IQGAP2: variants seen among roughly 807,000 people sequenced by gnomAD.
IQGAP2 encodes ras GTPase-activating-like protein IQGAP2.
A neutral mutation model predicts 201.3 loss-of-function variants in IQGAP2; 173 were observed. That is an observed-to-expected ratio of 0.86 (90% CI 0.76 to 0.98). The LOEUF is 0.98. IQGAP2 is among the 50% of genes least tolerant of loss of function. The pLI, the probability that IQGAP2 is intolerant of heterozygous loss-of-function variation, is 0.00. For missense variants in IQGAP2, 1,687 were observed against 1,864.8 expected, an observed-to-expected ratio of 0.90 and a Z score of 1.76; for synonymous variants, 675 against 673.9, an observed-to-expected ratio of 1.00 and a Z score of -0.03.
At chr5:76,605,723 T>A (rs1747759470) in intron 11 of IQGAP2, among the ~76,000 whole-genome samples, 1 of 152,196 alleles carries the variant, frequency 6.6e-6, no homozygotes, top group Non-Finnish European at 1.5e-5. Flanking sequence ...GAAAAGGTCT[T>A]TTAAAACTTA....
rs1742895277 is a variant in IQGAP2 at position 76,543,296 on chromosome 5, C to T, written c.147-19100C>T. Among the ~76,000 whole-genome samples, 4 of 152,276 alleles carry T rather than the reference C, an allele frequency of 2.6e-5. No individual in the cohort carries two copies. In the South Asian group the frequency reaches 6.2e-4, roughly 24 times the overall value. ...ACCAGCTCCTGTTCCCTCAAACCTT[C>T]GCATGACACCCCTTGTGGTTTTCAG... On this transcript the variant is annotated intron_variant, in intron 2 of 35. Transcript: ENST00000274364.
intron 2 of IQGAP2, among the ~76,000 whole-genome samples, chr5:76,484,661 TAAAA>T (rs531478236): frequency 9.9e-5 from 15 of 152,156 alleles, no homozygotes; most frequent in Admixed American, 3.3e-4. Context: ...ATAAAAAAAT[TAAAA>T]AAAGAAACGG....
chr5:76,588,407 C>T (rs981318873), intron 5 of IQGAP2, among the ~76,000 whole-genome samples: 1 of 152,212 alleles, frequency 6.6e-6, no homozygotes. Flanking sequence ...CATAGTTTAA[C>T]ATTACCTCAC....
chr5:76,598,969 G>T (rs867494976), intron 10 of IQGAP2, among the ~76,000 whole-genome samples: 5 of 152,092 alleles, frequency 3.3e-5, no homozygotes, highest in African/African-American at 1.2e-4. Context: ...CAAAAAGAAA[G>T]TGAAGTCAGT....
intron 5 of IQGAP2, among the ~76,000 whole-genome samples, chr5:76,585,655 C>T (rs1746195756): frequency 6.6e-6 from 1 of 152,050 alleles, no homozygotes; most frequent in African/African-American, 2.4e-5. Context: ...GTTGGGGTTA[C>T]AGGCATGTGC....
chr5:76,704,170 T>C (rs757420499), intron 35 of IQGAP2, among the ~76,000 whole-genome samples: 5 of 152,220 alleles, frequency 3.3e-5, no homozygotes, highest in Admixed American at 6.5e-5. Context: ...TTTAGCTAAT[T>C]AGGGTCTTCA....
At chr5:76,505,197 A>G (rs546142009) in intron 2 of IQGAP2, among the ~76,000 whole-genome samples, 1 of 152,364 alleles carries the variant, frequency 6.6e-6, no homozygotes, top group South Asian at 2.1e-4. Context: ...ACCCCTCACC[A>G]GGTGAGCATT....
intron 14 of IQGAP2, among the ~76,000 whole-genome samples, chr5:76,628,505 A>G (rs190804235): frequency 9.8e-5 from 15 of 152,362 alleles, no homozygotes; most frequent in Non-Finnish European, 1.3e-4. Flanking sequence ...GAAGAATAAC[A>G]TGAAAATTCA....
intron 1 of IQGAP2, among the ~76,000 whole-genome samples, chr5:76,455,453 CAA>C (rs59978990): frequency 0.46 from 36,371 of 79,764 alleles, 4,048 homozygotes; most frequent in Middle Eastern, 0.53. Context: ...GACTCTGTCT[CAA>C]AAAAAAAAAA....
chr5:76,673,543 AC>A lies in IQGAP2; in HGVS notation c.3165del (p.Asp1056ThrfsTer4), dbSNP rs1744538959. The A allele has an allele frequency of 1.2e-6, 2 of 1,614,136 alleles. No homozygotes were observed. Among genetic ancestry groups the A allele is most frequent in the Non-Finnish European group, 1.7e-6 (2 of 1,179,970 alleles). On this transcript the variant is annotated frameshift_variant, in exon 25 of 36. Coordinates refer to ENST00000274364, the MANE Select transcript of IQGAP2 (RefSeq NM_006633.5). LOFTEE classifies it high-confidence loss of function. ...TTCCATTGAGAACCTGAGAAGGGTCACCGACAAAGTCCTGAATTCTATCATT... is the reference window on the plus strand; with the variant it reads ...TTCCATTGAGAACCTGAGAAGGGTCACGACAAAGTCCTGAATTCTATCATT... Reference protein sequence around the residue: ...EASIENLRRVTDKVLNSIISS... With the variant: ...EASIENLRRVXDKVLNSIISS...
chr5:76,520,694 T>C (rs1015643892), intron 2 of IQGAP2, among the ~76,000 whole-genome samples: 4 of 137,420 alleles, frequency 2.9e-5, no homozygotes, highest in Non-Finnish European at 4.6e-5. Context: ...ATCATAGGTC[T>C]CTCCTCTTTT....
chr5:76,632,012 T>C lies in IQGAP2; in HGVS notation c.1766T>C (p.Leu589Pro), dbSNP rs767296430. The C allele has an allele frequency of 1.6e-5, 26 of 1,605,364 alleles. No homozygotes were observed. The South Asian group carries it at 2.9e-4, about 18-fold the overall frequency. The change falls in exon 15 of 36, where the codon CTC becomes CCC. Residue 589 changes from leucine (L) to proline (P), a missense_variant. Transcript: ENST00000274364. ...GATGCCCTTGTGAAGGCAAAAGAGC[T>C]CAAATCTGAAAGAGGTAAGTTGGTT... ...YYDALVKAKE[L>P]KSERVSSDGS...
intron 2 of IQGAP2, among the ~76,000 whole-genome samples, chr5:76,473,723 T>C (rs1373595254): frequency 6.6e-6 from 1 of 152,264 alleles, no homozygotes; most frequent in African/African-American, 2.4e-5. Flanking sequence ...GCATCTTTAT[T>C]CTTGGTTAGG....
rs919723719 is a variant in IQGAP2 at position 76,403,367 on chromosome 5, G to C, written c.-179G>C. 1 of 422,236 alleles carries C rather than the reference G, an allele frequency of 2.4e-6. No individual in the cohort carries two copies. The highest frequency in any genetic ancestry group is 6.4e-4 in the Middle Eastern group (1 of 1,566). 26.2% of individuals were successfully genotyped at this position (422,236 alleles called of 1,614,324 possible). A position where few individuals can be genotyped will look rare whatever the true frequency, so the allele number is the denominator to read the frequency against. On this transcript the variant is annotated 5_prime_UTR_variant, in exon 1 of 36. Transcript: ENST00000274364. The surrounding 1 kb of genome is among the most constrained non-coding windows in gnomAD (Gnocchi z 4.8). Reference sequence around the variant, plus strand: ...TTTACTTCAGTGTCAGCGCGCGGCGGCCGTGGCTGGCTCTGGCGAGAGAGC... The same window carrying C: ...TTTACTTCAGTGTCAGCGCGCGGCGCCCGTGGCTGGCTCTGGCGAGAGAGC...
intron 2 of IQGAP2, among the ~76,000 whole-genome samples, chr5:76,517,679 A>T (rs1227857526): frequency 1.3e-5 from 2 of 152,024 alleles, no homozygotes; most frequent in African/African-American, 4.8e-5. Flanking sequence ...TTGTAAGTTC[A>T]CCAGAGGAGT....
chr5:76,683,727 C>T (rs374570914), intron 29 of IQGAP2, 49 bp from the exon 30 acceptor site: 2 of 1,544,710 alleles, frequency 1.3e-6, no homozygotes, highest in South Asian at 2.5e-5. Context: ...TTGGTGCCAT[C>T]ATCACAAAGA....
At chr5:76,583,647 T>G (rs1187312035) in intron 5 of IQGAP2, among the ~76,000 whole-genome samples, 1 of 152,202 alleles carries the variant, frequency 6.6e-6, no homozygotes, top group Non-Finnish European at 1.5e-5. Context: ...CACCACCTTG[T>G]GGTAACTTTT....
chr5:76,500,725 G>A (rs1757224635), intron 2 of IQGAP2, among the ~76,000 whole-genome samples: 1 of 151,982 alleles, frequency 6.6e-6, no homozygotes, highest in Non-Finnish European at 1.5e-5. Context: ...TGTTCCTACT[G>A]TATCATAAGT....
At chr5:76,618,048 G>C (rs187008237) in intron 13 of IQGAP2, 4 of 1,614,112 alleles carry the variant, frequency 2.5e-6, no homozygotes, top group Admixed American at 3.3e-5. Context: ...TAAGAAAACT[G>C]TTGCCCACAC....
Sources: allele counts gnomAD v4.1 joint callset (sites outside exome capture counted in the v4.1 genomes callset), GRCh38; gene constraint gnomAD v4.1.1; non-coding constraint Gnocchi (gnomAD v3.1); transcripts MANE v1.5; gene names NCBI Gene and HGNC (gene_info 2026-07-23, HGNC 2026-07-21).